Variants in HOMER2 observed in about 807,000 individuals in gnomAD.
The protein encoded by HOMER2 is homer protein homolog 2.
In HOMER2, 27 loss-of-function variants were observed where a neutral mutation model predicts 47.0. The ratio of observed to expected loss-of-function variants is 0.57; its 90% CI spans 0.42 to 0.79. The LOEUF (loss-of-function observed/expected upper bound fraction) is 0.79. Ranked by LOEUF, HOMER2 falls within the 30% of genes least tolerant of loss-of-function variation. The pLI is 0.00. For synonymous variants in HOMER2, 161 were observed against 163.8 expected (o/e 0.98, Z 0.13); for missense variants, 443 against 435.0 (o/e 1.02, Z -0.16).
rs1219665013 is a variant in HOMER2 at position 82,890,354 on chromosome 15, C to A, written c.162+2331G>T. Among the ~76,000 whole-genome samples, 8 of 152,090 alleles carry A rather than the reference C, an allele frequency of 5.3e-5. No homozygotes were observed. The East Asian group carries it at 1.2e-3, about 22-fold the overall frequency. On this transcript the variant is annotated intron_variant, in intron 2 of 8. Transcript: ENST00000450735. Reference sequence around the variant, plus strand: ...GAGACCCTGTCTCAAAAAACAACAACAACAACAAAAACCAGGTGGCTGGGC... The same window carrying A: ...GAGACCCTGTCTCAAAAAACAACAAAAACAACAAAAACCAGGTGGCTGGGC...
chr15:82,916,161 C>A (rs993821766), intron 1 of HOMER2, among the ~76,000 whole-genome samples: 9 of 152,158 alleles, frequency 5.9e-5, no homozygotes, highest in Non-Finnish European at 1.3e-4. Flanking sequence ...TGGGGGGAAA[C>A]AAAGAATTCA....
intron 1 of HOMER2, among the ~76,000 whole-genome samples, chr15:82,984,035 ATT>A (rs1314984974): frequency 6.9e-6 from 1 of 145,688 alleles, no homozygotes. Flanking sequence ...TATTATTATT[ATT>A]TTTTTTTTTT....
At chr15:82,973,158 T>C (rs1437541943) in intron 1 of HOMER2, among the ~76,000 whole-genome samples, 1 of 152,224 alleles carries the variant, frequency 6.6e-6, no homozygotes, top group African/African-American at 2.4e-5. Context: ...CAGACCTTGC[T>C]TCAATCAAAA....
At chr15:82,905,291 A>C (rs908584557) in intron 1 of HOMER2, among the ~76,000 whole-genome samples, 6 of 151,416 alleles carry the variant, frequency 4.0e-5, no homozygotes, top group African/African-American at 9.7e-5. Flanking sequence ...AAAAAAAAAA[A>C]CCACCAAAAA....
In HOMER2 at chr15:82,854,717, G is replaced by A. The variant is rs369621004; in HGVS notation, c.578C>T (p.Ser193Leu). 6.2e-6 allele frequency: 10 copies of A among 1,612,718 alleles called. No homozygotes were observed. Among genetic ancestry groups the A allele is most frequent in the African/African-American group, 4.0e-5 (3 of 74,926 alleles). ...CTTCCACTGCTCCACACTGGCTGCC[G>A]ACTCCTGCAGTGCTGTGGTCAGCCG... is the stretch of plus-strand genomic sequence containing the variant. ...NARLTTALQE[S>L]AASVEQWKRQ... The change falls in exon 6 of 9, where the codon TCG (serine) becomes TTG (leucine). Residue 193 changes from serine to leucine, a missense_variant. Physicochemically the swap from Ser to Leu is moderately radical, Grantham distance 145. Coordinates refer to ENST00000450735, the MANE Select transcript of HOMER2 (RefSeq NM_004839.4).
chr15:82,869,515 G>A (rs1281773055), intron 3 of HOMER2, among the ~76,000 whole-genome samples: 1 of 124,086 alleles, frequency 8.1e-6, no homozygotes, highest in African/African-American at 3.2e-5. Flanking sequence ...CTGGAGTGCA[G>A]TGGCGTGATC....
chr15:82,892,753 C>A lies in HOMER2; in HGVS notation c.94G>T (p.Val32Phe), dbSNP rs1430024299. The A allele has an allele frequency of 6.2e-7, 1 of 1,606,276 alleles. No individual in the cohort carries two copies. The highest frequency in any genetic ancestry group is 8.5e-7 in the Non-Finnish European group (1 of 1,174,598). The change falls in exon 2 of 9, where the codon GTC (valine) becomes TTC (phenylalanine). Residue 32 changes from valine (V) to phenylalanine (F), a missense_variant. Transcript: ENST00000450735. ...ACATCATAGAAGTAGGAAACGGTGACCGCCTGCTTGCTCGCAGGCATCCAG... is the reference window on the plus strand; with the variant it reads ...ACATCATAGAAGTAGGAAACGGTGAACGCCTGCTTGCTCGCAGGCATCCAG... Reference protein sequence around the residue: ...KNWMPASKQAVTVSYFYDVTR... With the variant: ...KNWMPASKQAFTVSYFYDVTR...
intron 1 of HOMER2, among the ~76,000 whole-genome samples, chr15:82,925,649 C>A (rs1292697562): frequency 2.0e-5 from 3 of 152,144 alleles, no homozygotes; most frequent in Non-Finnish European, 4.4e-5. Context: ...CCTCCTCTAG[C>A]CCAACCCACC....
intron 3 of HOMER2, among the ~76,000 whole-genome samples, chr15:82,866,362 C>T (rs540120488): frequency 1.3e-5 from 2 of 152,354 alleles, no homozygotes; most frequent in Non-Finnish European, 2.9e-5. Context: ...CCTCTACCCC[C>T]ATTGTACCTA....
At chr15:82,858,091 TAA>T (rs2051646195) in intron 5 of HOMER2, among the ~76,000 whole-genome samples, 1 of 152,232 alleles carries the variant, frequency 6.6e-6, no homozygotes, top group African/African-American at 2.4e-5. Flanking sequence ...GAAATCATTT[TAA>T]AGTTTGCTTC....
chr15:82,877,939 C>A (rs917694438), intron 2 of HOMER2, among the ~76,000 whole-genome samples: 2 of 152,054 alleles, frequency 1.3e-5, no homozygotes, highest in African/African-American at 4.8e-5. Context: ...GGCTCAGCCC[C>A]AAGCAGGGTG....
intron 1 of HOMER2, among the ~76,000 whole-genome samples, chr15:82,964,017 T>C (rs1227298656): frequency 6.6e-6 from 1 of 152,258 alleles, no homozygotes; most frequent in East Asian, 1.9e-4. Flanking sequence ...AGGTATTCTT[T>C]GGCCAGATAT....
chr15:82,851,020 A>G (rs2051374041), intron 8 of HOMER2, 131 bp downstream of exon 8: 3 of 692,616 alleles, frequency 4.3e-6, no homozygotes, highest in Admixed American at 2.5e-5. Context: ...AGTCACTGCC[A>G]GCTTTTTGTG....
chr15:82,959,846 G>C (rs905961576), intron 1 of HOMER2, among the ~76,000 whole-genome samples: 1 of 152,220 alleles, frequency 6.6e-6, no homozygotes, highest in African/African-American at 2.4e-5. Context: ...GCTTGTATGA[G>C]ATTTAGGGTT....
intron 1 of HOMER2, among the ~76,000 whole-genome samples, chr15:82,979,601 G>A (rs1323661033): frequency 6.6e-6 from 1 of 152,102 alleles, no homozygotes; most frequent in Admixed American, 6.6e-5. Context: ...CTAAGAGGGT[G>A]ACATGAAGGA....
intron 1 of HOMER2, among the ~76,000 whole-genome samples, chr15:82,964,623 G>A (rs1432357826): frequency 2.0e-5 from 3 of 152,060 alleles, no homozygotes; most frequent in Non-Finnish European, 2.9e-5. Context: ...AAAATTAACC[G>A]GGCGCAGTGG....
chr15:82,965,029 C>T (rs1464597289), intron 1 of HOMER2, among the ~76,000 whole-genome samples: 2 of 152,016 alleles, frequency 1.3e-5, no homozygotes, highest in East Asian at 3.9e-4. Context: ...ACTATATTTT[C>T]TTTTTTTTGA....
intron 1 of HOMER2, among the ~76,000 whole-genome samples, chr15:82,916,892 C>G (rs1026112172): frequency 4.6e-5 from 7 of 152,012 alleles, no homozygotes; most frequent in East Asian, 1.9e-4. Flanking sequence ...ACCTCCACCC[C>G]CTGGGTTCAA....
At chr15:82,966,831 C>T (rs2054679479) in intron 1 of HOMER2, among the ~76,000 whole-genome samples, 1 of 152,226 alleles carries the variant, frequency 6.6e-6, no homozygotes, top group African/African-American at 2.4e-5. Context: ...TCTTGTCCAA[C>T]TTCAGTCATC....
Sources: gnomAD v4.1 joint callset for allele counts (sites outside exome capture counted in the v4.1 genomes callset) on GRCh38, gnomAD v4.1.1 for gene constraint, MANE v1.5 for transcripts, NCBI Gene and HGNC (gene_info 2026-07-23, HGNC 2026-07-21) for gene names.